SMG6: variants seen among roughly 807,000 people sequenced by gnomAD.
SMG6 encodes telomerase-binding protein EST1A.
Under a neutral mutation model 142.2 loss-of-function variants are expected in SMG6, and 66 were observed. The ratio of observed to expected loss-of-function variants is 0.46; its 90% CI spans 0.38 to 0.57. SMG6 has a LOEUF of 0.57. SMG6 is among the 20% of genes least tolerant of loss of function. SMG6 has a pLI of 0.00. For missense variants in SMG6, 1,793 were observed against 1,832.0 expected (o/e 0.98, Z 0.39); for synonymous variants, 779 against 702.4 (o/e 1.11, Z -1.72).
At chr17:2,291,237 A>G (rs183702955) in intron 6 of SMG6, among the ~76,000 whole-genome samples, 4,175 of 152,176 alleles carry the variant, frequency 0.027, 212 homozygotes, top group African/African-American at 0.095. Context: ...AGGCTGAGGC[A>G]GGAGAATGGC....
chr17:2,162,856 G>T (rs11869619), intron 13 of SMG6, among the ~76,000 whole-genome samples: 3 of 151,752 alleles, frequency 2.0e-5, no homozygotes, highest in Non-Finnish European at 4.4e-5. Context: ...TTTTGAGAAA[G>T]GGTCTCCCTC....
Position 2,184,960 on chromosome 17 carries a change from C to CAAAAAA in SMG6, c.3155+1697_3155+1702dup, listed in dbSNP as rs58230459. ...TGGGAGACAGAGCGGGACTCCATCT[C>CAAAAAA]AAAAAAAAAAAAAAAAAAAAAAAAA... On this transcript the variant is annotated intron_variant, in intron 12 of 18. Transcript: ENST00000263073. 1.2e-3 allele frequency among the ~76,000 whole-genome samples: 26 copies of CAAAAAA among 22,476 alleles called. 8 individuals are homozygous for CAAAAAA. The highest frequency in any genetic ancestry group is 4.4e-3 in the African/African-American group (18 of 4,116). 14.7% of individuals were successfully genotyped at this position (22,476 alleles called of 152,430 possible).
At chr17:2,144,427 G>C (rs2070598034) in intron 13 of SMG6, among the ~76,000 whole-genome samples, 1 of 151,998 alleles carries the variant, frequency 6.6e-6, no homozygotes, top group Non-Finnish European at 1.5e-5. Flanking sequence ...GGCGGGTCTG[G>C]AACTCCAGAG....
chr17:2,166,978 A>C (rs1014359166), intron 13 of SMG6, among the ~76,000 whole-genome samples: 3 of 152,042 alleles, frequency 2.0e-5, no homozygotes, highest in African/African-American at 7.2e-5. Context: ...ATACAAAAAA[A>C]TTAGCTACTT....
intron 8 of SMG6, among the ~76,000 whole-genome samples, chr17:2,264,860 C>T (rs894052187): frequency 6.6e-6 from 1 of 151,662 alleles, no homozygotes; most frequent in Admixed American, 6.6e-5. Context: ...TGAGATCGCG[C>T]CACTGCATTC....
intron 10 of SMG6, among the ~76,000 whole-genome samples, chr17:2,208,279 C>T (rs1244525996): frequency 6.6e-6 from 1 of 152,180 alleles, no homozygotes; most frequent in Non-Finnish European, 1.5e-5. Flanking sequence ...TCTCCCTTGC[C>T]TAAGTCGTTC....
chr17:2,063,515 A>T (rs568250631), intron 18 of SMG6, among the ~76,000 whole-genome samples: 1 of 152,242 alleles, frequency 6.6e-6, no homozygotes, highest in African/African-American at 2.4e-5. Context: ...GGGTGGGAGG[A>T]CTAGTAGGAC....
chr17:2,240,025 C>T (rs1386526714), intron 9 of SMG6: 1 of 152,194 alleles, frequency 6.6e-6, no homozygotes, highest in African/African-American at 2.4e-5. Flanking sequence ...AGTCCAAGTG[C>T]AGGTGTGATC....
At chr17:2,112,505 C>T (rs1444178657) in intron 13 of SMG6, among the ~76,000 whole-genome samples, 7 of 139,550 alleles carry the variant, frequency 5.0e-5, no homozygotes, top group African/African-American at 1.9e-4. Flanking sequence ...AAGACTCTGT[C>T]TCAAAAAAAA....
intron 15 of SMG6, among the ~76,000 whole-genome samples, chr17:2,073,471 G>A (rs1380846984): frequency 1.3e-5 from 2 of 151,972 alleles, no homozygotes; most frequent in Admixed American, 6.5e-5. Context: ...AGCACTTTGG[G>A]AGGCCAAGGC....
intron 13 of SMG6, among the ~76,000 whole-genome samples, chr17:2,154,259 G>A (rs1434518830): frequency 6.7e-6 from 1 of 149,530 alleles, no homozygotes. Flanking sequence ...AGAGTGTGAC[G>A]GTGACTGGGA....
intron 10 of SMG6, among the ~76,000 whole-genome samples, chr17:2,223,334 C>T (rs1567696338): frequency 6.6e-6 from 1 of 152,190 alleles, no homozygotes; most frequent in Non-Finnish European, 1.5e-5. Flanking sequence ...AGGGATCACA[C>T]GCGCATATTT....
rs776547322 is a variant in SMG6 at position 2,298,097 on chromosome 17, C to A, written c.1848-42G>T. The stretch of plus-strand genomic sequence containing the variant: ...GCAACTTCCAGCTCCAAATACACCA[C>A]AGAAAAAGCTAGACTCAAGTTTTGA... On this transcript the variant is annotated intron_variant, in intron 2 of 18. Transcript: ENST00000263073. 4 of 1,545,176 alleles carry A rather than the reference C, an allele frequency of 2.6e-6. No individual in the cohort carries two copies. The Admixed American group carries it at 8.6e-5, about 33-fold the overall frequency.
chr17:2,133,542 T>C (rs936590269), intron 13 of SMG6, among the ~76,000 whole-genome samples: 10 of 152,150 alleles, frequency 6.6e-5, no homozygotes, highest in African/African-American at 2.4e-4. Flanking sequence ...TATGAGTGCA[T>C]GTGTGTGTTT....
intron 10 of SMG6, 46 bp downstream of exon 10, chr17:2,236,446 T>C: frequency 6.3e-7 from 1 of 1,577,072 alleles, no homozygotes; most frequent in South Asian, 1.2e-5. Flanking sequence ...GCTACATTAA[T>C]CTCTATCTGT....
intron 13 of SMG6, chr17:2,087,882 T>G (rs781650952): frequency 2.6e-5 from 26 of 985,730 alleles, no homozygotes; most frequent in Non-Finnish European, 2.5e-5. Flanking sequence ...TTTAACCACC[T>G]TGTCGTTACA....
At chr17:2,214,548 C>T (rs1008473780) in intron 10 of SMG6, 2 of 152,296 alleles carry the variant, frequency 1.3e-5, no homozygotes, top group African/African-American at 4.8e-5. Context: ...CAGCCCCTCA[C>T]CCAGGGCTGG....
At chr17:2,086,121 CTTAGG>C (rs1405164122) in intron 13 of SMG6, among the ~76,000 whole-genome samples, 2 of 152,132 alleles carry the variant, frequency 1.3e-5, no homozygotes, top group African/African-American at 4.8e-5. Flanking sequence ...GTTATCTCTC[CTTAGG>C]TTATCTCTGG....
intron 15 of SMG6, among the ~76,000 whole-genome samples, chr17:2,070,992 A>G (rs762031905): frequency 1.6e-4 from 25 of 152,140 alleles, no homozygotes; most frequent in Non-Finnish European, 3.4e-4. Flanking sequence ...TTCTCAGGCC[A>G]TGCGCTCTCC....
Sources: gnomAD v4.1 joint callset for allele counts (sites outside exome capture counted in the v4.1 genomes callset) on GRCh38, gnomAD v4.1.1 for gene constraint, MANE v1.5 for transcripts, NCBI Gene and HGNC (gene_info 2026-07-23, HGNC 2026-07-21) for gene names.